SLC39A8: variants seen among roughly 807,000 people sequenced by gnomAD.
SLC39A8 encodes the protein metal cation symporter ZIP8.
A neutral mutation model predicts 40.4 loss-of-function variants in SLC39A8; 15 were observed. The observed-to-expected ratio is 0.37, with a 90% confidence interval of 0.25 to 0.57. The LOEUF (loss-of-function observed/expected upper bound fraction) is 0.57, where lower values mean the gene tolerates loss of function less well. SLC39A8 is among the 20% of genes least tolerant of loss of function. SLC39A8 has a pLI of 0.75. For missense variants in SLC39A8, 472 were observed against 558.8 expected, an observed-to-expected ratio of 0.84 and a Z score of 1.57; for synonymous variants, 223 against 221.6, an observed-to-expected ratio of 1.01 and a Z score of -0.06.
At chr4:102,307,370 C>A in intron 4 of SLC39A8, 66 bp downstream of exon 4, 2 of 1,564,112 alleles carry the variant, frequency 1.3e-6, no homozygotes, top group Non-Finnish European at 1.7e-6. Flanking sequence ...AGGCTAAAAA[C>A]ATACAAAGTG....
chr4:102,311,464 C>T (rs773036624), intron 3 of SLC39A8, among the ~76,000 whole-genome samples: 11 of 152,028 alleles, frequency 7.2e-5, no homozygotes, highest in Non-Finnish European at 1.5e-4. Flanking sequence ...TACAAGAAGC[C>T]ACTTAACCTC....
At chr4:102,273,313 G>C (rs922578301) in intron 6 of SLC39A8, among the ~76,000 whole-genome samples, 1 of 152,178 alleles carries the variant, frequency 6.6e-6, no homozygotes, top group African/African-American at 2.4e-5. Context: ...CCTTCATAAT[G>C]TAAACAAAGC....
At chr4:102,299,863 C>G (rs528964903) in intron 6 of SLC39A8, among the ~76,000 whole-genome samples, 43 of 152,084 alleles carry the variant, frequency 2.8e-4, no homozygotes, top group African/African-American at 9.9e-4. Flanking sequence ...CCCAAAGTAC[C>G]AAACATTCCT....
intron 11 of SLC39A8, among the ~76,000 whole-genome samples, chr4:102,255,543 C>A (rs529366413): frequency 1.3e-5 from 2 of 152,270 alleles, no homozygotes; most frequent in South Asian, 4.1e-4. Flanking sequence ...TGGCTCTCCA[C>A]ATCCTTAGAA....
chr4:102,252,414 T>C (rs1731614168), exon 12 of SLC39A8: 1 of 152,356 alleles, frequency 6.6e-6, no homozygotes, highest in African/African-American at 2.4e-5. Flanking sequence ...TTTTCTTCTT[T>C]AGATATACAA....
downstream of SLC39A8, among the ~76,000 whole-genome samples, chr4:102,257,156 T>C (rs1731726809): frequency 6.6e-6 from 1 of 151,346 alleles, no homozygotes; most frequent in Non-Finnish European, 1.5e-5. Context: ...ATTTTCTATG[T>C]CTTTTTTTTT....
chr4:102,279,262 T>G (rs1378696184), intron 6 of SLC39A8, among the ~76,000 whole-genome samples: 1 of 152,160 alleles, frequency 6.6e-6, no homozygotes, highest in East Asian at 1.9e-4. Flanking sequence ...CATTTTCTGA[T>G]TCACTGGAAG....
At chr4:102,254,491 G>T (rs1231025083) in intron 11 of SLC39A8, among the ~76,000 whole-genome samples, 1 of 152,146 alleles carries the variant, frequency 6.6e-6, no homozygotes, top group Non-Finnish European at 1.5e-5. Flanking sequence ...TAATTTTTAA[G>T]TATTATTTGG....
At chr4:102,257,401 T>A (rs1731732521), downstream of SLC39A8, among the ~76,000 whole-genome samples, 1 of 152,190 alleles carries the variant, frequency 6.6e-6, no homozygotes, top group South Asian at 2.1e-4. Context: ...CAGCTATTGA[T>A]AAATTGGAAA....
chr4:102,301,087 T>C (rs1733905407), intron 6 of SLC39A8, among the ~76,000 whole-genome samples: 1 of 152,096 alleles, frequency 6.6e-6, no homozygotes, highest in African/African-American at 2.4e-5. Context: ...ACGCACCTTC[T>C]CTTCTTTCTT....
rs761829394 is a variant in SLC39A8 at position 102,321,349 on chromosome 4, G to A, written c.220-5519C>T. 1.4e-4 allele frequency among the ~76,000 whole-genome samples: 21 copies of A among 152,262 alleles called. 1 individual carries two copies. Among genetic ancestry groups the A allele is most frequent in the Middle Eastern group, 6.8e-3 (2 of 294 alleles). Reference sequence around the variant, plus strand: ...GAGGCAGATAAAAGGGAGGGTCCTCGGAGAATCTCTACCTGCCTGAGCAGT... The same window carrying A: ...GAGGCAGATAAAAGGGAGGGTCCTCAGAGAATCTCTACCTGCCTGAGCAGT... On this transcript the variant is annotated intron_variant, in intron 2 of 8. Coordinates refer to ENST00000356736, the MANE Select transcript of SLC39A8 (RefSeq NM_001135146.2).
chr4:102,252,423 A>C (rs1296688241), exon 12 of SLC39A8: 1 of 152,368 alleles, frequency 6.6e-6, no homozygotes, highest in African/African-American at 2.4e-5. Flanking sequence ...TTAGATATAC[A>C]AAGAGACATC....
chr4:102,321,031 A>G (rs1269564383), intron 2 of SLC39A8, among the ~76,000 whole-genome samples: 2 of 152,140 alleles, frequency 1.3e-5, no homozygotes, highest in East Asian at 3.9e-4. Flanking sequence ...GGAGAAGTAG[A>G]AAGTGGGGAA....
intron 1 of SLC39A8, 108 bp from the exon 2 acceptor site, chr4:102,345,023 T>G: frequency 1.6e-6 from 1 of 606,562 alleles, no homozygotes; most frequent in Non-Finnish European, 2.2e-6. Flanking sequence ...CGGCCGGGCA[T>G]GGGGCCAGAC....
intron 2 of SLC39A8, among the ~76,000 whole-genome samples, chr4:102,324,788 G>C (rs908536990): frequency 6.6e-6 from 1 of 152,142 alleles, no homozygotes; most frequent in Non-Finnish European, 1.5e-5. Flanking sequence ...AAGATCCCAA[G>C]AGAGCAATTG....
intron 6 of SLC39A8, among the ~76,000 whole-genome samples, chr4:102,284,817 G>A (rs1467967306): frequency 1.7e-5 from 2 of 117,368 alleles, no homozygotes; most frequent in Non-Finnish European, 3.5e-5. Flanking sequence ...CTAGATTTGG[G>A]TGTTTGTTTG....
Position 102,273,362 on chromosome 4 carries a change from C to T in SLC39A8, c.841-5283G>A, listed in dbSNP as rs539615744. Among the ~76,000 whole-genome samples, 7 of 152,290 alleles carry T rather than the reference C, an allele frequency of 4.6e-5. No individual in the cohort carries two copies. In the East Asian group the frequency reaches 7.7e-4, roughly 17 times the overall value. On this transcript the variant is annotated intron_variant, in intron 6 of 8. Coordinates refer to ENST00000356736, the MANE Select transcript of SLC39A8 (RefSeq NM_001135146.2). ...AAACTGAGCGGAGCCCACCACAGCTCGGCAAAGCCACTGTAGCCAGACTGC... is the reference window on the plus strand; with the variant it reads ...AAACTGAGCGGAGCCCACCACAGCTTGGCAAAGCCACTGTAGCCAGACTGC...
At chr4:102,275,936 A>G (rs1380889948) in intron 6 of SLC39A8, among the ~76,000 whole-genome samples, 2 of 152,258 alleles carry the variant, frequency 1.3e-5, no homozygotes, top group African/African-American at 2.4e-5. Context: ...TTTGAAACCA[A>G]TGAGAACAAA....
intron 6 of SLC39A8, among the ~76,000 whole-genome samples, chr4:102,270,989 G>A (rs989901839): frequency 2.0e-4 from 30 of 152,090 alleles, no homozygotes; most frequent in African/African-American, 7.2e-4. Context: ...GAGGAGGCCT[G>A]GGGGAATAGG....
Sources: gnomAD v4.1 joint callset for allele counts (sites outside exome capture counted in the v4.1 genomes callset) on GRCh38, gnomAD v4.1.1 for gene constraint, MANE v1.5 for transcripts, NCBI Gene and HGNC (gene_info 2026-07-23, HGNC 2026-07-21) for gene names.